PPARGC1A: variants seen among roughly 807,000 people sequenced by gnomAD.
PPARGC1A encodes the protein PPARG coactivator 1 alpha, also known as peroxisome proliferator-activated receptor gamma coactivator 1-alpha.
PPARGC1A carries 25 observed loss-of-function variants against 88.7 expected under a neutral mutation model. That is an observed-to-expected ratio of 0.28 (90% confidence interval 0.21 to 0.39). PPARGC1A has a LOEUF of 0.39. Ranked by LOEUF, PPARGC1A falls within the 10% of genes least tolerant of loss-of-function variation. The probability of loss-of-function intolerance (pLI) is 1.00; values close to 1 mark genes in which losing one functional copy is unlikely to be tolerated. For synonymous variants in PPARGC1A, 363 were observed against 355.6 expected, an observed-to-expected ratio of 1.02 and a Z score of -0.24; for missense variants, 880 against 968.7, an observed-to-expected ratio of 0.91 and a Z score of 1.22.
the PPARGC1A span, among the ~76,000 whole-genome samples, chr4:24,398,132 T>C: frequency 6.6e-6 from 1 of 152,220 alleles, no homozygotes; most frequent in East Asian, 1.9e-4. Context: ...ACATTTACAC[T>C]GTGGAATTTC....
the PPARGC1A span, among the ~76,000 whole-genome samples, chr4:24,240,752 G>C: frequency 6.6e-6 from 1 of 152,182 alleles, no homozygotes; most frequent in Admixed American, 6.5e-5. Context: ...AATGTAGCTA[G>C]TCAGATATAC....
At chr4:24,053,394 A>G in the PPARGC1A span, among the ~76,000 whole-genome samples, 94,086 of 151,924 alleles carry the variant, frequency 0.62, 29,289 homozygotes, top group Non-Finnish European at 0.64. Flanking sequence ...AAGAGAGAGT[A>G]GGATACTATG....
intron 10 of PPARGC1A, among the ~76,000 whole-genome samples, chr4:23,808,167 C>T (rs1005437865): frequency 2.0e-5 from 3 of 147,334 alleles, no homozygotes; most frequent in Non-Finnish European, 3.0e-5. Flanking sequence ...AGAAGAATGG[C>T]GTGAACCCAG....
chr4:24,282,459 G>A, the PPARGC1A span, among the ~76,000 whole-genome samples: 5 of 152,274 alleles, frequency 3.3e-5, no homozygotes, highest in Middle Eastern at 6.8e-3. Flanking sequence ...AGAAAGGCTG[G>A]TATTTTAGGT....
In PPARGC1A at chr4:23,824,510, T is replaced by TA. The variant is rs1577404574; in HGVS notation, c.758-3dup. The TA allele has an allele frequency of 6.3e-7, 1 of 1,586,578 alleles. No homozygotes were observed. Among genetic ancestry groups the TA allele is most frequent in the Non-Finnish European group, 8.6e-7 (1 of 1,165,624 alleles). The stretch of plus-strand genomic sequence containing the variant: ...GAAGAGATAAAGTTGTTGGTTTGGC[T>TA]AAAGAAAAAAAAAAGAAACTAATTA... On this transcript the variant is annotated splice_polypyrimidine_tract_variant and splice_region_variant and intron_variant, in intron 5 of 12. Coordinates refer to ENST00000264867, the MANE Select transcript of PPARGC1A (RefSeq NM_013261.5).
chr4:24,423,100 C>A, the PPARGC1A span, among the ~76,000 whole-genome samples: 1 of 152,156 alleles, frequency 6.6e-6, no homozygotes, highest in Non-Finnish European at 1.5e-5. Context: ...CACACAGACA[C>A]AAAAACATTT....
chr4:24,135,837 T>TG, the PPARGC1A span, among the ~76,000 whole-genome samples: 942 of 152,196 alleles, frequency 6.2e-3, 11 homozygotes, highest in African/African-American at 0.022. Flanking sequence ...ATATATACTC[T>TG]GGGGGGGTCA....
At chr4:24,296,335 G>T in the PPARGC1A span, among the ~76,000 whole-genome samples, 1 of 151,912 alleles carries the variant, frequency 6.6e-6, no homozygotes, top group Non-Finnish European at 1.5e-5. Flanking sequence ...AAATTATTCA[G>T]TGTTTATCTG....
the PPARGC1A span, among the ~76,000 whole-genome samples, chr4:23,999,025 G>A: frequency 6.6e-6 from 1 of 152,172 alleles, no homozygotes; most frequent in Non-Finnish European, 1.5e-5. Context: ...AATAAAAAGA[G>A]GAATCTGTGA....
chr4:24,260,251 C>A, the PPARGC1A span, among the ~76,000 whole-genome samples: 53 of 152,312 alleles, frequency 3.5e-4, no homozygotes, highest in African/African-American at 1.2e-3. Context: ...TACAAGCACA[C>A]CGATTTTGGA....
chr4:23,824,583 A>G, intron 5 of PPARGC1A, 75 bp from the exon 6 acceptor site: 2 of 1,289,474 alleles, frequency 1.6e-6, no homozygotes, highest in Non-Finnish European at 2.1e-6. Flanking sequence ...ACAACAGTCA[A>G]GTTGGAAAAA....
chr4:24,466,605 G>A, the PPARGC1A span, among the ~76,000 whole-genome samples: 1 of 152,140 alleles, frequency 6.6e-6, no homozygotes, highest in African/African-American at 2.4e-5. Flanking sequence ...AACAACAATT[G>A]ATAAATGTTA....
the PPARGC1A span, among the ~76,000 whole-genome samples, chr4:23,965,884 G>A: frequency 2.6e-5 from 4 of 151,962 alleles, no homozygotes; most frequent in Non-Finnish European, 4.4e-5. Context: ...TTTTTATATC[G>A]CTTTTTATCT....
the PPARGC1A span, among the ~76,000 whole-genome samples, chr4:24,158,819 T>G: frequency 6.6e-6 from 1 of 152,222 alleles, no homozygotes; most frequent in African/African-American, 2.4e-5. Context: ...GTTATTTGCC[T>G]TAGATGCTTC....
chr4:24,049,308 G>GTGTGTATATA, the PPARGC1A span, among the ~76,000 whole-genome samples: 69 of 139,548 alleles, frequency 4.9e-4, no homozygotes, highest in East Asian at 3.5e-3. Flanking sequence ...ATATATGTGT[G>GTGTGTATATA]TATATATATA....
intron 12 of PPARGC1A, among the ~76,000 whole-genome samples, chr4:23,798,198 T>G (rs1167217977): frequency 6.6e-6 from 1 of 152,196 alleles, no homozygotes. Context: ...TAAACAGCTT[T>G]ACTGCTCACA....
At chr4:24,226,285 C>A in the PPARGC1A span, among the ~76,000 whole-genome samples, 1 of 152,200 alleles carries the variant, frequency 6.6e-6, no homozygotes, top group Non-Finnish European at 1.5e-5. Context: ...AGGCACCCAG[C>A]CTTCTGCATC....
the PPARGC1A span, among the ~76,000 whole-genome samples, chr4:24,333,940 C>CAACAAAAAAAAAAAAAAAAAAA: frequency 7.2e-5 from 1 of 13,830 alleles, no homozygotes; most frequent in Non-Finnish European, 1.5e-4. Context: ...ACAACAACAA[C>CAACAAAAAAAAAAAAAAAAAAA]AAAAAAAAAA....
the PPARGC1A span, among the ~76,000 whole-genome samples, chr4:24,045,403 G>A: frequency 2.0e-5 from 3 of 152,218 alleles, no homozygotes; most frequent in East Asian, 1.9e-4. Context: ...ACAAAGTACC[G>A]TAAACTGAGT....
Sources: allele counts gnomAD v4.1 joint callset (sites outside exome capture counted in the v4.1 genomes callset), GRCh38; gene constraint gnomAD v4.1.1; transcripts MANE v1.5; gene names NCBI Gene and HGNC (gene_info 2026-07-23, HGNC 2026-07-21).